The following ZFP28 variants were observed in gnomAD, a reference collection of about 807,000 sequenced individuals.
ZFP28 encodes the protein zinc finger protein 28 homolog.
In ZFP28, 31 loss-of-function variants were observed where a neutral mutation model predicts 39.5. The observed-to-expected ratio is 0.79, with a 90% CI of 0.59 to 1.06. ZFP28 has a LOEUF of 1.06. ZFP28 is among the 50% of genes least tolerant of loss of function. The probability of loss-of-function intolerance (pLI) is 0.00; values close to 1 mark genes in which losing one functional copy is unlikely to be tolerated. For missense variants in ZFP28, 925 were observed against 1,048.4 expected, an observed-to-expected ratio of 0.88 and a Z score of 1.63; for synonymous variants, 400 against 378.6, an observed-to-expected ratio of 1.06 and a Z score of -0.66.
chr19:56,546,709 T>G (rs2044244335), intron 2 of ZFP28: 1 of 152,210 alleles, frequency 6.6e-6, no homozygotes. Context: ...ATAATATTGA[T>G]GCTTTGAGGT....
At position 56,554,208 on chromosome 19, in the gene ZFP28, C is replaced by T. The variant is rs1166650470; in HGVS notation, c.1423C>T (p.Pro475Ser). The T allele has an allele frequency of 6.2e-7, 1 of 1,614,150 alleles. No individual in the cohort carries two copies. Among genetic ancestry groups the T allele is most frequent in the South Asian group, 1.1e-5 (1 of 91,082 alleles). Residue 475 changes from proline (P) to serine (S), a missense_variant, in exon 8 of 8, where the codon CCC becomes TCC. Transcript: ENST00000301318. The surrounding 1 kb of genome is among the most constrained non-coding windows in gnomAD (Gnocchi z 6.7). ...CCAGAGATGTCACACTGGCAAGAAG[C>T]CCTATGAGTGCATTGAGTGTGGGAA... ...RHQRCHTGKKPYECIECGKAF... is the reference protein window; with the variant it reads ...RHQRCHTGKKSYECIECGKAF...
Position 56,555,489 on chromosome 19 carries a change from AC to A in ZFP28, c.*98del, listed in dbSNP as rs1442586883. The stretch of plus-strand genomic sequence containing the variant: ...TTTGTCCCTTATTAGTTAGTTCTTC[AC>A]ATAAGTGTAAATGTAACTTATTCAC... On this transcript the variant is annotated 3_prime_UTR_variant, in exon 8 of 8. Coordinates refer to ENST00000301318, the MANE Select transcript of ZFP28 (RefSeq NM_020828.2). 6 of 1,431,816 alleles carry A rather than the reference AC, an allele frequency of 4.2e-6. No individual in the cohort carries two copies. The highest frequency in any genetic ancestry group is 5.6e-6 in the Non-Finnish European group (6 of 1,065,014). 88.7% of individuals were successfully genotyped at this position (1,431,816 alleles called of 1,614,324 possible).
chr19:56,538,908 G>A (rs2044163841), upstream of ZFP28: 3 of 996,788 alleles, frequency 3.0e-6, no homozygotes, highest in Admixed American at 4.5e-5. Flanking sequence ...TGGATGCCGG[G>A]CCATGGGGGA....
At chr19:56,539,901 G>T (rs1568483355) in intron 2 of ZFP28, among the ~76,000 whole-genome samples, 185 bp downstream of exon 2, 1 of 152,220 alleles carries the variant, frequency 6.6e-6, no homozygotes, top group African/African-American at 2.4e-5. Context: ...CTCGATGCCT[G>T]CTTCTTCTTC....
chr19:56,555,224 T>A lies in ZFP28; in HGVS notation c.2439T>A (p.Tyr813Ter). The stretch of plus-strand genomic sequence containing the variant: ...GAGTTCATACTGGAGAGAGATCTTA[T>A]AACTATAAGAAAAGCAGAAAAGTCT... ...HKRVHTGERS[Y>*]NYKKSRKVFR... The change falls in exon 8 of 8, where the codon TAT (tyrosine) becomes TAA (stop). Residue 813 changes from tyrosine to a stop codon, truncating the protein, a stop_gained. Transcript: ENST00000301318. LOFTEE classifies it low-confidence loss of function (END_TRUNC). 6.2e-7 allele frequency: 1 copy of A among 1,614,090 alleles called. No homozygotes were observed. The highest frequency in any genetic ancestry group is 8.5e-7 in the Non-Finnish European group (1 of 1,179,974).
intron 7 of ZFP28, chr19:56,551,018 C>T (rs1005018906): frequency 1.5e-5 from 19 of 1,227,712 alleles, no homozygotes; most frequent in African/African-American, 6.2e-5. Flanking sequence ...TATTGGCAGG[C>T]GATTGGAAAA....
rs559942701 is a variant in ZFP28 at position 56,547,222 on chromosome 19, G to A, written c.301-286G>A. ...GCTTGCAGACGGCCGTCTTCTCTCT[G>A]TGTCCTCACGTGGTCTTTTCCCTGT... is the stretch of plus-strand genomic sequence containing the variant. On this transcript the variant is annotated intron_variant, in intron 2 of 7. Coordinates refer to ENST00000301318, the MANE Select transcript of ZFP28 (RefSeq NM_020828.2). This position sits in a 1 kb window ranked among gnomAD's most constrained non-coding sequence, Gnocchi z 4.6. The A allele has an allele frequency of 2.8e-4, 95 of 344,950 alleles. No homozygotes were observed. The highest frequency in any genetic ancestry group is 1.8e-3 in the African/African-American group (84 of 46,666). 21.4% of individuals were successfully genotyped at this position (344,950 alleles called of 1,614,324 possible). A position where few individuals can be genotyped will look rare whatever the true frequency, so the allele number is the denominator to read the frequency against.
chr19:56,539,333 C>T, intron 1 of ZFP28, 107 bp downstream of exon 1: 2 of 1,198,384 alleles, frequency 1.7e-6, no homozygotes, highest in Non-Finnish European at 2.3e-6. Context: ...GAGAACTGTG[C>T]CCCTGGTCTT....
intron 7 of ZFP28, chr19:56,551,513 G>T: frequency 1.0e-6 from 1 of 984,840 alleles, no homozygotes; most frequent in African/African-American, 1.7e-5. Context: ...TAGTATTAAA[G>T]ATACAATTAT....
rs556569630 is a variant in ZFP28, at chr19:56,550,447, G to C, written c.803-63G>C. 5 of 1,388,112 alleles carry C rather than the reference G, an allele frequency of 3.6e-6. No homozygotes were observed. The East Asian group carries it at 1.1e-4, about 32-fold the overall frequency. The allele number at this position is 1,388,112 out of a possible 1,614,324, so 86.0% of individuals were successfully genotyped here. On this transcript the variant is annotated intron_variant, in intron 6 of 7. Coordinates refer to ENST00000301318, the MANE Select transcript of ZFP28 (RefSeq NM_020828.2). ...GTAACACTTTTCTATCAACAAGGAA[G>C]TGGTTCTCAATTTTAGGATGCCAAG... is the stretch of plus-strand genomic sequence containing the variant.
Position 56,547,219 on chromosome 19 carries a change from T to A in ZFP28, c.301-289T>A. ...TTGGCTTGCAGACGGCCGTCTTCTC[T>A]CTGTGTCCTCACGTGGTCTTTTCCC... On this transcript the variant is annotated intron_variant, in intron 2 of 7. Coordinates refer to ENST00000301318, the MANE Select transcript of ZFP28 (RefSeq NM_020828.2). This position sits in a 1 kb window ranked among gnomAD's most constrained non-coding sequence, Gnocchi z 4.6. The A allele has an allele frequency of 2.9e-6, 1 of 340,454 alleles. No individual in the cohort carries two copies. Among genetic ancestry groups the A allele is most frequent in the South Asian group, 4.8e-5 (1 of 20,628 alleles). 21.1% of individuals were successfully genotyped at this position (340,454 alleles called of 1,614,324 possible). A position where few individuals can be genotyped will look rare whatever the true frequency, so the allele number is the denominator to read the frequency against.
chr19:56,548,018 AT>A, intron 4 of ZFP28, 116 bp downstream of exon 4: 1 of 884,256 alleles, frequency 1.1e-6, no homozygotes, highest in Non-Finnish European at 1.7e-6. Flanking sequence ...AATATCTGTT[AT>A]TTTTACTATT....
rs1206741864 is a variant in ZFP28 at position 56,555,177 on chromosome 19, G to A, written c.2392G>A (p.Gly798Arg). 6.2e-7 allele frequency: 1 copy of A among 1,614,048 alleles called. No individual in the cohort carries two copies. The highest frequency in any genetic ancestry group is 1.7e-5 in the Admixed American group (1 of 60,020). Reference sequence around the variant, plus strand: ...ATGTAGGAAAACCTTCATCCAAATTGGACACCTTAATCAACATAAGAGAGT... The same window carrying A: ...ATGTAGGAAAACCTTCATCCAAATTAGACACCTTAATCAACATAAGAGAGT... ...KECRKTFIQI[G>R]HLNQHKRVHT... The change falls in exon 8 of 8, where the codon GGA becomes AGA. Residue 798 changes from glycine to arginine, a missense_variant. Physicochemically the swap from Gly to Arg is moderately radical, Grantham distance 125. Coordinates refer to ENST00000301318, the MANE Select transcript of ZFP28 (RefSeq NM_020828.2).
intron 2 of ZFP28, among the ~76,000 whole-genome samples, chr19:56,542,908 G>T (rs1366765316): frequency 1.3e-5 from 2 of 152,128 alleles, no homozygotes; most frequent in African/African-American, 4.8e-5. Context: ...TGGAATTGTA[G>T]GTGTGAGCCA....
chr19:56,546,733 AT>A, intron 2 of ZFP28: 1 of 152,214 alleles, frequency 6.6e-6, no homozygotes, highest in African/African-American at 2.4e-5. Flanking sequence ...TCTCAAGTTT[AT>A]TGCCCAGTTC....
Position 56,554,221 on chromosome 19 carries a change from T to C in ZFP28, c.1436T>C (p.Ile479Thr), listed in dbSNP as rs368817786. Residue 479 changes from isoleucine to threonine, a missense_variant, in exon 8 of 8, where the codon ATT becomes ACT. By Grantham distance (89) the Ile-to-Thr change is moderately conservative. Around this residue, in one of 2 missense-constraint regions of ZFP28, gnomAD observed 369 missense variants for 505.5 expected, o/e 0.73. Transcript: ENST00000301318. This position sits in a 1 kb window ranked among gnomAD's most constrained non-coding sequence, Gnocchi z 6.7. ...CHTGKKPYECIECGKAFIQNT... is the reference protein window; with the variant it reads ...CHTGKKPYECTECGKAFIQNT... ...ACTGGCAAGAAGCCCTATGAGTGCA[T>C]TGAGTGTGGGAAAGCTTTCATACAG... The C allele has an allele frequency of 4.0e-5, 64 of 1,614,064 alleles. No individual in the cohort carries two copies. The highest frequency in any genetic ancestry group is 1.3e-4 in the South Asian group (12 of 91,078).
intron 2 of ZFP28, chr19:56,544,543 T>C (rs2044223129): frequency 6.6e-6 from 1 of 152,234 alleles, no homozygotes; most frequent in Non-Finnish European, 1.5e-5. Context: ...CAGAAAAACT[T>C]TGCTGACACC....
intron 2 of ZFP28, among the ~76,000 whole-genome samples, chr19:56,543,440 C>T (rs1203490205): frequency 6.6e-6 from 1 of 150,790 alleles, no homozygotes; most frequent in Non-Finnish European, 1.5e-5. Flanking sequence ...TTTGCCCAGA[C>T]TGGAGTATAT....
At chr19:56,539,785 T>G in intron 2 of ZFP28, 69 bp downstream of exon 2, 1 of 1,442,682 alleles carries the variant, frequency 6.9e-7, no homozygotes, top group East Asian at 2.4e-5. Context: ...GTTGCTTATT[T>G]TCTTGAAAGT....
Sources: gnomAD v4.1 joint callset for allele counts (sites outside exome capture counted in the v4.1 genomes callset) on GRCh38, gnomAD v4.1.1 for gene constraint, gnomAD v4.1.1 regional missense constraint, Gnocchi (gnomAD v3.1) non-coding constraint, MANE v1.5 for transcripts, NCBI Gene and HGNC (gene_info 2026-07-23, HGNC 2026-07-21) for gene names.